EDA: variants seen among roughly 807,000 people sequenced by gnomAD.
The protein encoded by EDA is ectodysplasin-A.
In EDA, 2 loss-of-function variants were observed where a neutral mutation model predicts 23.6. The ratio of observed to expected loss-of-function variants is 0.08; its 90% CI spans 0.03 to 0.27. EDA has a LOEUF of 0.27. Ranked by LOEUF, EDA falls within the 10% of genes least tolerant of loss-of-function variation. The probability of loss-of-function intolerance (pLI) is 1.00; values close to 1 mark genes in which losing one functional copy is unlikely to be tolerated. For synonymous variants in EDA, 131 were observed against 132.0 expected (o/e 0.99, Z 0.05); for missense variants, 229 against 324.2 (o/e 0.71, Z 2.26).
rs991668225 is a variant in EDA, at chrX:70,037,685, T to C, written c.*2076T>C. On this transcript the variant is annotated 3_prime_UTR_variant, in exon 8 of 8. Coordinates refer to ENST00000374552, the MANE Select transcript of EDA (RefSeq NM_001399.5). ...TAGAGAGAACCAATAAAAGTGGTAA[T>C]TGGGAACTGAAATCCTTGAGAGTTC... is the stretch of plus-strand genomic sequence containing the variant. The C allele has an allele frequency of 6.3e-5, 7 of 111,640 alleles. No individual in the cohort carries two copies. Among genetic ancestry groups the C allele is most frequent in the African/African-American group, 2.3e-4 (7 of 30,633 alleles). 9.2% of individuals were successfully genotyped at this position (111,640 alleles called of 1,213,427 possible). A position where few individuals can be genotyped will look rare whatever the true frequency, so the allele number is the denominator to read the frequency against.
intron 1 of EDA, among the ~76,000 whole-genome samples, chrX:69,642,097 T>C (rs1481812766): frequency 1.8e-5 from 2 of 110,866 alleles, no homozygotes; most frequent in African/African-American, 6.6e-5. Flanking sequence ...ATAGTAGTAG[T>C]AGTTGGAGGA....
intron 3 of EDA, among the ~76,000 whole-genome samples, chrX:70,025,995 G>C (rs1209412849): frequency 8.9e-6 from 1 of 112,118 alleles, no homozygotes; most frequent in Non-Finnish European, 1.9e-5. Flanking sequence ...GGGTTTCTTG[G>C]CCATGAGGCA....
intron 1 of EDA, among the ~76,000 whole-genome samples, chrX:69,728,019 C>T (rs189136123): frequency 1.3e-3 from 146 of 110,314 alleles, no homozygotes; most frequent in Non-Finnish European, 9.1e-4. Context: ...CGGAGGTGGG[C>T]GGATCACTTG....
intron 1 of EDA, among the ~76,000 whole-genome samples, chrX:69,773,813 A>G (rs1217803758): frequency 8.9e-6 from 1 of 111,760 alleles, no homozygotes; most frequent in Non-Finnish European, 1.9e-5. Context: ...CCTGTTAGAT[A>G]TGATTTGCAA....
intron 1 of EDA, among the ~76,000 whole-genome samples, chrX:69,685,746 T>A (rs1934519312): frequency 8.9e-6 from 1 of 111,938 alleles, no homozygotes; most frequent in South Asian, 3.7e-4. Flanking sequence ...CTAATGCAGA[T>A]TAAGAGTTGT....
At chrX:69,801,160 G>A (rs1453017868) in intron 1 of EDA, among the ~76,000 whole-genome samples, 1 of 111,424 alleles carries the variant, frequency 9.0e-6, no homozygotes, top group Non-Finnish European at 1.9e-5. Context: ...ATAGGAAAAT[G>A]TATTTATGAG....
At chrX:70,007,526 C>T (rs1235181593) in intron 2 of EDA, among the ~76,000 whole-genome samples, 1 of 111,727 alleles carries the variant, frequency 9.0e-6, no homozygotes, top group African/African-American at 3.3e-5. Flanking sequence ...TTGCCTTCTG[C>T]TATGATGGTA....
intron 1 of EDA, among the ~76,000 whole-genome samples, chrX:69,948,691 C>CA (rs1047354070): frequency 1.8e-5 from 2 of 111,991 alleles, no homozygotes; most frequent in East Asian, 2.8e-4. Context: ...GTCACAGCTA[C>CA]AAAAAAACCA....
intron 1 of EDA, among the ~76,000 whole-genome samples, chrX:69,780,660 G>T (rs192469072): frequency 9.0e-6 from 1 of 110,624 alleles, no homozygotes; most frequent in Non-Finnish European, 1.9e-5. Context: ...TGCTATTCTC[G>T]TGATAGTGAG....
At chrX:69,869,818 C>G (rs764535028) in intron 1 of EDA, among the ~76,000 whole-genome samples, 5 of 112,090 alleles carry the variant, frequency 4.5e-5, no homozygotes, top group African/African-American at 1.6e-4. Context: ...CCGCTGCCAC[C>G]TCAGGATCCA....
chrX:69,821,839 A>G (rs1420717688), intron 1 of EDA, among the ~76,000 whole-genome samples: 1 of 112,220 alleles, frequency 8.9e-6, no homozygotes, highest in Non-Finnish European at 1.9e-5. Flanking sequence ...CATAAAATTT[A>G]CCATCTTAGG....
At chrX:69,895,395 TAC>T (rs200298403) in intron 1 of EDA, among the ~76,000 whole-genome samples, 6,557 of 85,997 alleles carry the variant, frequency 0.076, 236 homozygotes, top group Middle Eastern at 0.12. Flanking sequence ...TTTCTCAACC[TAC>T]ACACACACAC....
In EDA at chrX:70,035,515, C is replaced by T; in HGVS notation, c.1082C>T (p.Ala361Val). Residue 361 changes from alanine (A) to valine (V), a missense_variant, in exon 8 of 8, where the codon GCC becomes GTC. By Grantham distance (64) the Ala-to-Val change is moderately conservative (BLOSUM62 0). Transcript: ENST00000374552. Reference sequence around the variant, plus strand: ...CTCCTCAAGGCCCGGCAGAAGATCGCCGTCAAGATGGTGCACGCTGACATC... The same window carrying T: ...CTCCTCAAGGCCCGGCAGAAGATCGTCGTCAAGATGGTGCACGCTGACATC... Reference protein sequence around the residue: ...VCLLKARQKIAVKMVHADISI... With the variant: ...VCLLKARQKIVVKMVHADISI... 8.3e-7 allele frequency: 1 copy of T among 1,209,757 alleles called. No individual in the cohort carries two copies. Among genetic ancestry groups the T allele is most frequent in the South Asian group, 1.8e-5 (1 of 56,791 alleles).
intron 1 of EDA, among the ~76,000 whole-genome samples, chrX:69,908,145 A>C (rs1434765160): frequency 8.9e-6 from 1 of 111,879 alleles, no homozygotes; most frequent in African/African-American, 3.2e-5. Flanking sequence ...CATTAAAGAA[A>C]ATAATGGCCA....
intron 1 of EDA, among the ~76,000 whole-genome samples, chrX:69,679,252 A>C (rs1445473440): frequency 9.5e-6 from 1 of 104,945 alleles, no homozygotes; most frequent in Non-Finnish European, 2.0e-5. Context: ...TTTTGCATCG[A>C]TGTTCATCAA....
At chrX:69,819,286 G>A (rs1425527338) in intron 1 of EDA, among the ~76,000 whole-genome samples, 1 of 112,072 alleles carries the variant, frequency 8.9e-6, no homozygotes, top group African/African-American at 3.2e-5. Context: ...AATGCTGGAA[G>A]CATTTCCCTT....
chrX:69,990,501 C>T (rs1480647785), intron 2 of EDA, among the ~76,000 whole-genome samples: 1 of 106,731 alleles, frequency 9.4e-6, no homozygotes, highest in African/African-American at 3.8e-5. Context: ...ATGAAAGTGT[C>T]AGCTCTCTTC....
At chrX:69,623,073 C>G (rs1331064197) in intron 1 of EDA, among the ~76,000 whole-genome samples, 1 of 112,087 alleles carries the variant, frequency 8.9e-6, no homozygotes, top group Non-Finnish European at 1.9e-5. Flanking sequence ...ATCACTACCA[C>G]AATCTTAATT....
Position 70,035,596 on chromosome X carries a change from C to G in EDA, c.1163C>G (p.Ala388Gly). 1.7e-6 allele frequency: 2 copies of G among 1,207,370 alleles called. No homozygotes were observed. Among genetic ancestry groups the G allele is most frequent in the South Asian group, 1.8e-5 (1 of 56,689 alleles). Residue 388 changes from alanine to glycine, a missense_variant, in exon 8 of 8, where the codon GCC (alanine) becomes GGC (glycine). By Grantham distance (60) the Ala-to-Gly change is moderately conservative (BLOSUM62 0). Transcript: ENST00000374552. ...TTTGGGGCCATCAGGCTGGGTGAAG[C>G]CCCTGCATCCTAGATTCCCCCCATT... ...TFFGAIRLGE[A>G]PAS
Sources: gnomAD v4.1 joint callset for allele counts (sites outside exome capture counted in the v4.1 genomes callset) on GRCh38, gnomAD v4.1.1 for gene constraint, MANE v1.5 for transcripts, NCBI Gene and HGNC (gene_info 2026-07-23, HGNC 2026-07-21) for gene names.